AP1G1: variants seen among roughly 807,000 people sequenced by gnomAD.
AP1G1 encodes adaptor related protein complex 1 subunit gamma 1.
In AP1G1, 7 loss-of-function variants were observed where a neutral mutation model predicts 108.3. The observed-to-expected ratio is 0.06, with a 90% CI of 0.04 to 0.12. AP1G1 has a LOEUF of 0.12. AP1G1 is among the 10% of genes least tolerant of loss of function. The pLI is 1.00. For synonymous variants in AP1G1, 379 were observed against 353.5 expected, an observed-to-expected ratio of 1.07 and a Z score of -0.81; for missense variants, 756 against 1,010.7, an observed-to-expected ratio of 0.75 and a Z score of 3.42.
intron 15 of AP1G1, 86 bp from the exon 16 acceptor site, chr16:71,748,464 C>T (rs2030300817): frequency 7.0e-7 from 1 of 1,431,150 alleles, no homozygotes; most frequent in Admixed American, 2.2e-5. Context: ...GGGGAAGCAG[C>T]CAGAAAGACA....
intron 1 of AP1G1, among the ~76,000 whole-genome samples, chr16:71,801,737 A>G (rs991002723): frequency 2.6e-5 from 4 of 152,142 alleles, no homozygotes; most frequent in East Asian, 1.9e-4. Flanking sequence ...CCTGGCTAAC[A>G]TGGTGAAAGC....
intron 6 of AP1G1, 195 bp from the exon 7 acceptor site, chr16:71,765,779 T>G: frequency 2.0e-6 from 1 of 505,474 alleles, no homozygotes; most frequent in South Asian, 2.0e-5. Context: ...GTAGTATGTA[T>G]TTTATCTGGA....
At chr16:71,777,120 A>C (rs1395581465) in intron 2 of AP1G1, among the ~76,000 whole-genome samples, 11 of 149,310 alleles carry the variant, frequency 7.4e-5, no homozygotes, top group Admixed American at 1.3e-4. Context: ...AAAAAAAAAA[A>C]AAAAAAAAAA....
chr16:71,758,060 G>A (rs1213411553), intron 11 of AP1G1, among the ~76,000 whole-genome samples: 1 of 152,190 alleles, frequency 6.6e-6, no homozygotes, highest in East Asian at 1.9e-4. Context: ...TCTTTAGATT[G>A]CTCAAGCACT....
intron 21 of AP1G1, among the ~76,000 whole-genome samples, chr16:71,737,031 G>A (rs1216299053): frequency 6.6e-6 from 1 of 152,154 alleles, no homozygotes; most frequent in Non-Finnish European, 1.5e-5. Context: ...AACCTAAGTT[G>A]AAGAAACTAA....
intron 2 of AP1G1, among the ~76,000 whole-genome samples, chr16:71,776,067 C>T (rs1188006313): frequency 6.6e-6 from 1 of 152,150 alleles, no homozygotes; most frequent in Admixed American, 6.5e-5. Flanking sequence ...ACCATGATCC[C>T]CTTTAGAATC....
chr16:71,803,162 T>C (rs1778883978), intron 1 of AP1G1, among the ~76,000 whole-genome samples: 1 of 150,348 alleles, frequency 6.7e-6, no homozygotes, highest in Non-Finnish European at 1.5e-5. Context: ...TGTAGTAAGC[T>C]GAGATGGCAC....
intron 5 of AP1G1, among the ~76,000 whole-genome samples, chr16:71,770,361 T>C (rs2031522706): frequency 6.6e-6 from 1 of 152,240 alleles, no homozygotes; most frequent in Admixed American, 6.5e-5. Flanking sequence ...TTTCACTGAC[T>C]TCAAATAAAA....
intron 10 of AP1G1, among the ~76,000 whole-genome samples, chr16:71,760,478 G>C (rs1253280934): frequency 6.6e-6 from 1 of 151,092 alleles, no homozygotes; most frequent in Admixed American, 6.6e-5. Context: ...TCGGGAGGCG[G>C]AGGTTGCAGT....
At chr16:71,806,311 G>A (rs1435319272) in intron 1 of AP1G1, among the ~76,000 whole-genome samples, 3 of 152,180 alleles carry the variant, frequency 2.0e-5, no homozygotes, top group Non-Finnish European at 4.4e-5. Context: ...CTGATCAATG[G>A]TGCACTAAAC....
At chr16:71,768,223 C>T (rs972117185) in intron 6 of AP1G1, among the ~76,000 whole-genome samples, 50 of 146,574 alleles carry the variant, frequency 3.4e-4, no homozygotes, top group African/African-American at 1.2e-3. Context: ...AAAGGCCGGG[C>T]GCGGTAGCTC....
Position 71,745,268 on chromosome 16 carries a change from G to A in AP1G1, c.1875C>T (p.Ala625=), listed in dbSNP as rs1282642312. The A allele has an allele frequency of 1.9e-6, 3 of 1,614,064 alleles. No homozygotes were observed. The South Asian group carries it at 3.3e-5, about 18-fold the overall frequency. ...CTCCCAACAAATCCAATAAATCATT[G>A]GCCTAAACAAGGTAACAACACCTCA... ...PPSGPQPTSQ[A]NDLLDLLGGN... Residue 625 remains alanine (A), a splice_region_variant and synonymous_variant, in exon 19 of 23, where the codon GCC becomes GCT. Transcript: ENST00000299980.
intron 2 of AP1G1, among the ~76,000 whole-genome samples, chr16:71,777,058 T>C (rs2031805490): frequency 1.6e-5 from 2 of 127,536 alleles, no homozygotes. Flanking sequence ...TGCAGTGAGC[T>C]GAGATCGCGC....
At chr16:71,763,302 C>G (rs931359879) in intron 9 of AP1G1, among the ~76,000 whole-genome samples, 5 of 152,040 alleles carry the variant, frequency 3.3e-5, no homozygotes, top group African/African-American at 1.2e-4. Flanking sequence ...TCAGAGGCAC[C>G]TGAGAGTAGT....
intron 15 of AP1G1, among the ~76,000 whole-genome samples, chr16:71,749,608 A>G (rs1194483121): frequency 6.6e-6 from 1 of 152,082 alleles, no homozygotes; most frequent in Non-Finnish European, 1.5e-5. Flanking sequence ...TTTTTGAGAC[A>G]GGGTCTCACT....
At chr16:71,768,083 C>A (rs1210835761) in intron 6 of AP1G1, among the ~76,000 whole-genome samples, 2 of 150,330 alleles carry the variant, frequency 1.3e-5, no homozygotes, top group African/African-American at 4.9e-5. Context: ...TATGGAATGA[C>A]CAGCATCCTA....
chr16:71,730,653 G>C lies in AP1G1; in HGVS notation c.*2405C>G, dbSNP rs2045467759. On this transcript the variant is annotated 3_prime_UTR_variant, in exon 23 of 23. Transcript: ENST00000299980. The stretch of plus-strand genomic sequence containing the variant: ...GAAGCTTTCAAAGATCCAATCATTT[G>C]AAACAGTCTTCACAACCATCAGTAT... The C allele has an allele frequency of 6.6e-6, 1 of 152,630 alleles. No homozygotes were observed. Among genetic ancestry groups the C allele is most frequent in the South Asian group, 2.1e-4 (1 of 4,832 alleles). 9.5% of individuals were successfully genotyped at this position (152,630 alleles called of 1,614,324 possible).
At chr16:71,758,582 G>A in intron 11 of AP1G1, 1 of 606,138 alleles carries the variant, frequency 1.6e-6, no homozygotes, top group Non-Finnish European at 3.1e-6. Flanking sequence ...GTGCACTTAA[G>A]TATTCTTATT....
chr16:71,750,795 G>A (rs1243338745), intron 13 of AP1G1, among the ~76,000 whole-genome samples: 1 of 152,022 alleles, frequency 6.6e-6, no homozygotes, highest in Non-Finnish European at 1.5e-5. Context: ...GTTCATAACA[G>A]CTCAAACTTC....
Sources: gnomAD v4.1 joint callset for allele counts (sites outside exome capture counted in the v4.1 genomes callset) on GRCh38, gnomAD v4.1.1 for gene constraint, MANE v1.5 for transcripts, NCBI Gene and HGNC (gene_info 2026-07-23, HGNC 2026-07-21) for gene names.